The following ARB2A variants were observed in gnomAD, a reference collection of about 807,000 sequenced individuals.
The protein encoded by ARB2A is cotranscriptional regulator ARB2A.
the ARB2A span, among the ~76,000 whole-genome samples, chr5:93,792,960 G>A: frequency 6.6e-6 from 1 of 151,970 alleles, no homozygotes; most frequent in African/African-American, 2.4e-5. Flanking sequence ...AAGTACACAG[G>A]TTGGTAGCTG....
At chr5:93,735,741 C>G in the ARB2A span, 2 of 152,102 alleles carry the variant, frequency 1.3e-5, no homozygotes, top group African/African-American at 4.8e-5. Context: ...TTTTCACTAA[C>G]TTATGTGGAT....
chr5:93,879,102 T>G, the ARB2A span, among the ~76,000 whole-genome samples: 5 of 152,114 alleles, frequency 3.3e-5, no homozygotes, highest in African/African-American at 1.2e-4. Flanking sequence ...GCTCTGTGTC[T>G]GAAAATTACA....
At chr5:93,824,248 T>G in the ARB2A span, 1 of 1,586,712 alleles carries the variant, frequency 6.3e-7, no homozygotes, top group Non-Finnish European at 8.6e-7. Context: ...GATTGCATGT[T>G]CTTCAGGAGA....
At chr5:93,805,095 T>C in the ARB2A span, 1 of 971,066 alleles carries the variant, frequency 1.0e-6, no homozygotes, top group Non-Finnish European at 1.2e-6. Context: ...AAAGTTACCA[T>C]GGTGTTATTA....
the ARB2A span, chr5:93,683,761 A>C: frequency 1.9e-6 from 3 of 1,560,216 alleles, no homozygotes; most frequent in East Asian, 6.7e-5. Context: ...GCGGACGGAG[A>C]TAAAACAACG....
the ARB2A span, chr5:94,055,518 T>C: frequency 4.3e-5 from 21 of 487,542 alleles, no homozygotes; most frequent in South Asian, 1.8e-3. Context: ...AACTCTTATA[T>C]CAAATTCAAC....
At chr5:93,797,507 C>T in the ARB2A span, among the ~76,000 whole-genome samples, 1 of 152,040 alleles carries the variant, frequency 6.6e-6, no homozygotes, top group South Asian at 2.1e-4. Context: ...TTACATCACA[C>T]CTTTTGTTAA....
At chr5:93,850,029 T>C in the ARB2A span, among the ~76,000 whole-genome samples, 2 of 152,200 alleles carry the variant, frequency 1.3e-5, no homozygotes, top group African/African-American at 2.4e-5. Flanking sequence ...CTACTTTTTA[T>C]AGATAAGCCA....
chr5:93,723,933 AAATC>A, the ARB2A span, among the ~76,000 whole-genome samples: 1 of 152,110 alleles, frequency 6.6e-6, no homozygotes, highest in African/African-American at 2.4e-5. Flanking sequence ...ACAAGGCACT[AAATC>A]AGAGTAGAAA....
At chr5:93,995,582 A>T in the ARB2A span, among the ~76,000 whole-genome samples, 1 of 152,192 alleles carries the variant, frequency 6.6e-6, no homozygotes, top group South Asian at 2.1e-4. Context: ...GCTCCCAATC[A>T]AGAGAAGGCT....
the ARB2A span, among the ~76,000 whole-genome samples, chr5:93,984,144 A>G: frequency 6.6e-6 from 1 of 152,128 alleles, no homozygotes; most frequent in Non-Finnish European, 1.5e-5. Flanking sequence ...ATACACAAAT[A>G]TATTAGTAGT....
the ARB2A span, among the ~76,000 whole-genome samples, chr5:93,770,790 A>G: frequency 6.6e-6 from 1 of 152,182 alleles, no homozygotes; most frequent in African/African-American, 2.4e-5. Context: ...AACACTGCTC[A>G]ATGAAATAAA....
the ARB2A span, among the ~76,000 whole-genome samples, chr5:93,864,742 G>C: frequency 2.2e-4 from 34 of 152,198 alleles, no homozygotes; most frequent in Middle Eastern, 3.4e-3. Flanking sequence ...TATTACTAAT[G>C]ATATATCACT....
the ARB2A span, among the ~76,000 whole-genome samples, chr5:93,896,806 T>C: frequency 6.6e-6 from 1 of 152,084 alleles, no homozygotes; most frequent in African/African-American, 2.4e-5. Context: ...TAATACTGTT[T>C]GCAAGTTTTT....
At chr5:93,697,111 C>A in the ARB2A span, among the ~76,000 whole-genome samples, 1 of 150,384 alleles carries the variant, frequency 6.6e-6, no homozygotes, top group African/African-American at 2.4e-5. Context: ...GTTAGATCTT[C>A]CCGTCGTAGT....
the ARB2A span, among the ~76,000 whole-genome samples, chr5:93,784,004 C>G: frequency 6.6e-6 from 1 of 152,058 alleles, no homozygotes; most frequent in Non-Finnish European, 1.5e-5. Context: ...GAAAAGGAGA[C>G]TAAGTGTACC....
the ARB2A span, among the ~76,000 whole-genome samples, chr5:93,915,167 C>T: frequency 6.6e-6 from 1 of 151,978 alleles, no homozygotes; most frequent in Non-Finnish European, 1.5e-5. Flanking sequence ...GTCTTCCACA[C>T]TCTATCAATG....
the ARB2A span, among the ~76,000 whole-genome samples, chr5:93,871,428 C>T: frequency 6.6e-6 from 1 of 152,180 alleles, no homozygotes; most frequent in Non-Finnish European, 1.5e-5. Flanking sequence ...TGCAACTAAA[C>T]TTTAAGAAAT....
chr5:93,987,381 C>T, the ARB2A span, among the ~76,000 whole-genome samples: 1 of 152,168 alleles, frequency 6.6e-6, no homozygotes, highest in Admixed American at 6.5e-5. Flanking sequence ...GCTACTCCAA[C>T]ATCTTTACAT....
Sources: gnomAD v4.1 joint callset for allele counts (sites outside exome capture counted in the v4.1 genomes callset) on GRCh38, gnomAD v4.1.1 for gene constraint, MANE v1.5 for transcripts, NCBI Gene and HGNC (gene_info 2026-07-23, HGNC 2026-07-21) for gene names.